The following MICAL3 variants were observed in gnomAD, a reference collection of about 807,000 sequenced individuals.
The protein encoded by MICAL3 is microtubule associated monooxygenase, calponin and LIM domain containing 3.
In MICAL3, 62 loss-of-function variants were observed where a neutral mutation model predicts 207.4. The observed-to-expected ratio is 0.30, with a 90% CI of 0.24 to 0.37. The LOEUF is 0.37. Among genes scored for constraint, MICAL3 ranks in the 10% least tolerant of loss-of-function variants. The pLI is 1.00. For synonymous variants in MICAL3, 1,077 were observed against 1,069.3 expected, an observed-to-expected ratio of 1.01 and a Z score of -0.14; for missense variants, 2,368 against 2,635.6, an observed-to-expected ratio of 0.90 and a Z score of 2.22.
rs374899399 is a variant in MICAL3, at chr22:17,789,388, C to G, written c.*1344G>C. On this transcript the variant is annotated 3_prime_UTR_variant, in exon 32 of 32. Transcript: ENST00000441493. ...CCTGAAACCTTCTTTAACATATGTG[C>G]GGAGGAAGGTGATGCCCTGGCCCCC... The G allele has an allele frequency of 6.6e-6, 1 of 152,212 alleles. No individual in the cohort carries two copies. Among genetic ancestry groups the G allele is most frequent in the South Asian group, 2.1e-4 (1 of 4,828 alleles). The allele number at this position is 152,212 out of a possible 1,614,324, so 9.4% of individuals were successfully genotyped here.
chr22:17,867,646 G>A lies in MICAL3; in HGVS notation c.2429-1634C>T, dbSNP rs148407984. 2.5e-3 allele frequency among the ~76,000 whole-genome samples: 385 copies of A among 152,322 alleles called. 1 individual carries two copies. Among genetic ancestry groups the A allele is most frequent in the South Asian group, 5.0e-3 (24 of 4,824 alleles). The stretch of plus-strand genomic sequence containing the variant: ...CTCCCTCCACCCCACCCAGGACAGG[G>A]TGCTCTGGGGACTGGCATGTGGCCA... On this transcript the variant is annotated intron_variant, in intron 17 of 31. Coordinates refer to ENST00000441493, the MANE Select transcript of MICAL3 (RefSeq NM_015241.3).
At position 17,887,505 on chromosome 22, in the gene MICAL3, T is replaced by G. The variant is rs1930025173; in HGVS notation, c.1892-70A>C. The stretch of plus-strand genomic sequence containing the variant: ...GCCGCAAAATCCTGACCAAAACTAC[T>G]CTCCCTCGTGGATGGTTCGCAGAGC... On this transcript the variant is annotated intron_variant, in intron 13 of 31. Coordinates refer to ENST00000441493, the MANE Select transcript of MICAL3 (RefSeq NM_015241.3). The G allele has an allele frequency of 1.7e-5, 16 of 966,836 alleles. No individual in the cohort carries two copies. The East Asian group carries it at 3.8e-4, about 23-fold the overall frequency. The allele number at this position is 966,836 out of a possible 1,614,324, so 59.9% of individuals were successfully genotyped here. A position where few individuals can be genotyped will look rare whatever the true frequency, so the allele number is the denominator to read the frequency against.
chr22:17,900,551 G>A lies in MICAL3; in HGVS notation c.847+291C>T, dbSNP rs1047061581. ...CAGGAGTTCGAGGCTGCAGTGAGCC[G>A]AGATCACGCCACTGAACTCCAGCCT... On this transcript the variant is annotated intron_variant, in intron 6 of 31. Transcript: ENST00000441493. This position sits in a 1 kb window ranked among gnomAD's most constrained non-coding sequence, Gnocchi z 4.0. 2.6e-5 allele frequency among the ~76,000 whole-genome samples: 4 copies of A among 152,154 alleles called. No individual in the cohort carries two copies. Among genetic ancestry groups the A allele is most frequent in the Admixed American group, 6.5e-5 (1 of 15,278 alleles).
intron 25 of MICAL3, among the ~76,000 whole-genome samples, chr22:17,819,523 C>T (rs1256430868): frequency 6.6e-6 from 1 of 152,150 alleles, no homozygotes; most frequent in Non-Finnish European, 1.5e-5. Flanking sequence ...AGAAGACTTA[C>T]CACAGCTATT....
chr22:17,961,505 C>T (rs1934912916), intron 1 of MICAL3, among the ~76,000 whole-genome samples: 1 of 152,050 alleles, frequency 6.6e-6, no homozygotes, highest in Admixed American at 6.5e-5. Context: ...CCCTCTCACC[C>T]CCATGGTCCT....
At chr22:17,810,977 G>A (rs528507721) in intron 27 of MICAL3, 164 bp from the exon 28 acceptor site, 62 of 590,532 alleles carry the variant, frequency 1.0e-4, no homozygotes, top group African/African-American at 5.2e-4. Context: ...CTAGCAGGAC[G>A]GGGGTGCTGA....
chr22:17,816,480 G>A lies in MICAL3; in HGVS notation c.5445+210C>T, dbSNP rs559951913. On this transcript the variant is annotated intron_variant, in intron 27 of 31. Coordinates refer to ENST00000441493, the MANE Select transcript of MICAL3 (RefSeq NM_015241.3). ...TCTTCACAAGAAATCAGAAGCCCTT[G>A]CTGTGGATGCCAACGGCCCTAGCTC... 2.4e-4 allele frequency among the ~76,000 whole-genome samples: 37 copies of A among 152,364 alleles called. 2 individuals carry two copies. In the Middle Eastern group the frequency reaches 0.027, roughly 112 times the overall value.
intron 1 of MICAL3, among the ~76,000 whole-genome samples, chr22:17,997,636 G>A (rs1299060037): frequency 6.6e-6 from 1 of 152,132 alleles, no homozygotes; most frequent in Non-Finnish European, 1.5e-5. Flanking sequence ...GTTAGGAGGA[G>A]CACACACTCT....
At chr22:17,907,853 G>A (rs1369568247) in intron 1 of MICAL3, among the ~76,000 whole-genome samples, 1 of 152,184 alleles carries the variant, frequency 6.6e-6, no homozygotes, top group African/African-American at 2.4e-5. Context: ...ATTGCGTAAG[G>A]TACAGGGTTG....
At chr22:17,895,236 T>A in intron 10 of MICAL3, 48 bp downstream of exon 10, 1 of 1,597,768 alleles carries the variant, frequency 6.3e-7, no homozygotes, top group Non-Finnish European at 8.6e-7. Flanking sequence ...GAATTCTCAT[T>A]GGTCCTGCAG....
intron 19 of MICAL3, among the ~76,000 whole-genome samples, chr22:17,856,858 T>G (rs1014968845): frequency 1.3e-5 from 2 of 152,136 alleles, no homozygotes; most frequent in African/African-American, 4.8e-5. Flanking sequence ...CCTGAACTCA[T>G]GATCCACCCG....
chr22:17,966,194 G>A (rs433576), intron 1 of MICAL3, among the ~76,000 whole-genome samples: 36,181 of 151,822 alleles, frequency 0.24, 4,903 homozygotes, highest in East Asian at 0.52. Context: ...GCCTCCCATC[G>A]AATTTCCAGT....
chr22:18,013,040 A>T (rs1923846369), intron 1 of MICAL3, among the ~76,000 whole-genome samples: 1 of 152,176 alleles, frequency 6.6e-6, no homozygotes, highest in South Asian at 2.1e-4. Context: ...GGAAGGCAGC[A>T]CATGGTCCAG....
In MICAL3 at chr22:17,841,981, G is replaced by T. The variant is rs767706229; in HGVS notation, c.2642C>A (p.Ala881Asp). The T allele has an allele frequency of 1.9e-6, 3 of 1,605,640 alleles. No individual in the cohort carries two copies. Among genetic ancestry groups the T allele is most frequent in the Non-Finnish European group, 2.5e-6 (3 of 1,179,464 alleles). Residue 881 changes from alanine to aspartate, a missense_variant, in exon 20 of 32, where the codon GCC (alanine) becomes GAC (aspartate). Physicochemically the swap from Ala to Asp is moderately radical, Grantham distance 126 (BLOSUM62 -2). Transcript: ENST00000441493. This position sits in a 1 kb window ranked among gnomAD's most constrained non-coding sequence, Gnocchi z 4.2. The part of the protein sequence containing the change: ...GVNGLEEPSI[A>D]KRLRGTPERI... The stretch of plus-strand genomic sequence containing the variant: ...CTCTGGGGTGCCCCTCAGTCGCTTG[G>T]CGATGCTGGGCTCCTCCAGGCCGTT...
intron 17 of MICAL3, among the ~76,000 whole-genome samples, chr22:17,868,632 A>C (rs1927390865): frequency 6.6e-6 from 1 of 152,206 alleles, no homozygotes; most frequent in South Asian, 2.1e-4. Flanking sequence ...ATTGTGGGTG[A>C]TTCAGTCAAG....
At chr22:17,823,844 G>A (rs542435153) in intron 22 of MICAL3, among the ~76,000 whole-genome samples, 10 of 152,314 alleles carry the variant, frequency 6.6e-5, no homozygotes, top group African/African-American at 2.2e-4. Flanking sequence ...TAGAGGGACC[G>A]TTTCTTTAGC....
chr22:17,898,002 C>T (rs528833638), intron 7 of MICAL3, among the ~76,000 whole-genome samples: 2 of 152,206 alleles, frequency 1.3e-5, no homozygotes, highest in African/African-American at 4.8e-5. Flanking sequence ...AAAGCCAAAA[C>T]ACAAACACTC....
intron 17 of MICAL3, among the ~76,000 whole-genome samples, chr22:17,868,214 C>T (rs1927344249): frequency 6.6e-6 from 1 of 152,144 alleles, no homozygotes; most frequent in Non-Finnish European, 1.5e-5. Flanking sequence ...ACACAGTACC[C>T]ACCTCATAGG....
In MICAL3 at chr22:17,789,409, C is replaced by T. The variant is rs962077439; in HGVS notation, c.*1323G>A. The T allele has an allele frequency of 3.3e-5, 5 of 152,262 alleles. No individual in the cohort carries two copies. In the East Asian group the frequency reaches 9.6e-4, roughly 29 times the overall value. 9.4% of individuals were successfully genotyped at this position (152,262 alleles called of 1,614,324 possible). A position where few individuals can be genotyped will look rare whatever the true frequency, so the allele number is the denominator to read the frequency against. ...TGTGCGGAGGAAGGTGATGCCCTGG[C>T]CCCCAAACTGAGACAAGGGCGAGTT... On this transcript the variant is annotated 3_prime_UTR_variant, in exon 32 of 32. Transcript: ENST00000441493.
Sources: gnomAD v4.1 joint callset for allele counts (sites outside exome capture counted in the v4.1 genomes callset) on GRCh38, gnomAD v4.1.1 for gene constraint, Gnocchi (gnomAD v3.1) non-coding constraint, MANE v1.5 for transcripts, NCBI Gene and HGNC (gene_info 2026-07-23, HGNC 2026-07-21) for gene names.